STK26: variants seen among roughly 807,000 people sequenced by gnomAD.
The protein encoded by STK26 is serine/threonine-protein kinase 26.
STK26 carries 14 observed loss-of-function variants against 34.7 expected under a neutral mutation model. The observed-to-expected ratio is 0.40, with a 90% CI of 0.27 to 0.63. The LOEUF is 0.63. STK26 is among the 30% of genes least tolerant of loss of function. STK26 has a pLI of 0.38. For synonymous variants in STK26, 100 were observed against 109.8 expected (o/e 0.91, Z 0.56); for missense variants, 226 against 309.1 (o/e 0.73, Z 2.02).
At chrX:132,031,992 A>C (rs1351783126) in intron 2 of STK26, among the ~76,000 whole-genome samples, 1 of 111,212 alleles carries the variant, frequency 9.0e-6, no homozygotes, top group Non-Finnish European at 1.9e-5. Flanking sequence ...GCGAACATTC[A>C]GAGAAACCAG....
Position 132,071,071 on chromosome X carries a change from T to G in STK26, c.786T>G (p.Arg262=), listed in dbSNP as rs150917439. The change falls in exon 8 of 12, where the codon CGT becomes CGG. Residue 262 remains arginine (R), a splice_region_variant and synonymous_variant. Coordinates refer to ENST00000394334, the MANE Select transcript of STK26 (RefSeq NM_016542.4). ...AGCCTTGATCTTTTTATCCTTAGCG[T>G]CCTACAGCAAAAGAACTTCTGAAAC... The part of the protein sequence containing the change: ...DACLNKDPSF[R]PTAKELLKHK... 4.1e-6 allele frequency: 5 copies of G among 1,207,771 alleles called. No homozygotes were observed. The highest frequency in any genetic ancestry group is 5.6e-6 in the Non-Finnish European group (5 of 893,194).
rs1278407920 is a variant in STK26, at chrX:132,068,234, A to G, written c.350A>G (p.Asp117Gly). Reference sequence around the variant, plus strand: ...CTTAAGCTTCGAGCTGGTCCATTTGATGAGTTCCAGATTGCTACCATGCTA... The same window carrying G: ...CTTAAGCTTCGAGCTGGTCCATTTGGTGAGTTCCAGATTGCTACCATGCTA... ...ALDLLRAGPF[D>G]EFQIATMLKE... The change falls in exon 5 of 12, where the codon GAT becomes GGT. Residue 117 changes from aspartate to glycine, a missense_variant. Around this residue, in one of 2 missense-constraint regions of STK26, gnomAD observed 100 missense variants for 176.7 expected, o/e 0.57. Coordinates refer to ENST00000394334, the MANE Select transcript of STK26 (RefSeq NM_016542.4). The G allele has an allele frequency of 8.3e-7, 1 of 1,203,755 alleles. No individual in the cohort carries two copies. Among genetic ancestry groups the G allele is most frequent in the South Asian group, 1.8e-5 (1 of 55,769 alleles).
rs756862221 is a variant in STK26 at position 132,074,137 on chromosome X, G to A, written c.1229G>A (p.Cys410Tyr). 5.0e-6 allele frequency: 6 copies of A among 1,204,887 alleles called. No homozygotes were observed. In the Admixed American group the frequency reaches 1.3e-4, roughly 26 times the overall value. Residue 410 changes from cysteine to tyrosine, a missense_variant and splice_region_variant, in exon 12 of 12, where the codon TGT (cysteine) becomes TAT (tyrosine). Cys to Tyr is a radical substitution (Grantham distance 194). Around this residue, in one of 2 missense-constraint regions of STK26, gnomAD observed 126 missense variants for 132.4 expected, o/e 0.95. Coordinates refer to ENST00000394334, the MANE Select transcript of STK26 (RefSeq NM_016542.4). The part of the protein sequence containing the change: ...VKKLIEKFQK[C>Y]SADESP ...TAAATTTTTTAAAAATTTTATAGGT[G>A]TTCAGCAGACGAATCCCCCTAAGAA...
At position 132,028,241 on chromosome X, in the gene STK26, T is replaced by A. The variant is rs546969191; in HGVS notation, c.42+4582T>A. 1.2e-4 allele frequency among the ~76,000 whole-genome samples: 10 copies of A among 81,200 alleles called. No homozygotes were observed. In the Middle Eastern group the frequency reaches 0.024, roughly 197 times the overall value. The allele number at this position is 81,200 out of a possible 115,157, so 70.5% of individuals were successfully genotyped here. ...TCCATGGACAGGTTCCATGGACATA[T>A]GTTTAGTACTATGAAGAAAAAATTA... On this transcript the variant is annotated intron_variant, in intron 2 of 11. Transcript: ENST00000394334.
intron 2 of STK26, among the ~76,000 whole-genome samples, chrX:132,048,007 TTTAG>T (rs1489832982): frequency 2.7e-5 from 3 of 111,541 alleles, no homozygotes; most frequent in African/African-American, 9.8e-5. Flanking sequence ...GATACAAAAT[TTTAG>T]TTAGGAGGAA....
Position 132,068,331 on chromosome X carries a change from A to G in STK26, c.439+8A>G. 8.3e-7 allele frequency: 1 copy of G among 1,197,882 alleles called. No individual in the cohort carries two copies. The highest frequency in any genetic ancestry group is 3.0e-5 in the East Asian group (1 of 33,752). On this transcript the variant is annotated splice_region_variant and intron_variant, in intron 5 of 11. Coordinates refer to ENST00000394334, the MANE Select transcript of STK26 (RefSeq NM_016542.4). ...TTCACCGAGACATAAAAGGTATACA[A>G]AAGTCTAATATGAACCTGAGAAAAA...
intron 2 of STK26, among the ~76,000 whole-genome samples, chrX:132,026,883 G>A (rs1034345094): frequency 6.2e-5 from 7 of 112,257 alleles, no homozygotes; most frequent in Admixed American, 1.9e-4. Context: ...TAGAAATGAA[G>A]TTTAACGATT....
intron 3 of STK26, 91 bp downstream of exon 3, chrX:132,054,952 G>C: frequency 1.3e-6 from 1 of 798,307 alleles, no homozygotes; most frequent in African/African-American, 2.1e-5. Flanking sequence ...TCTTAAATTA[G>C]GATTTGGCAG....
chrX:132,036,853 G>A (rs1602747315), intron 2 of STK26, among the ~76,000 whole-genome samples: 1 of 111,843 alleles, frequency 8.9e-6, no homozygotes, highest in African/African-American at 3.3e-5. Flanking sequence ...AATCTGTCTT[G>A]TAAAAATAAG....
chrX:132,033,160 G>A (rs1311464830), intron 2 of STK26, among the ~76,000 whole-genome samples: 7 of 111,113 alleles, frequency 6.3e-5, no homozygotes, highest in Non-Finnish European at 3.8e-5. Context: ...AGCATAAGCT[G>A]TTATTAATGC....
At chrX:132,044,671 CTATATA>C (rs1247702257) in intron 2 of STK26, among the ~76,000 whole-genome samples, 1 of 38,443 alleles carries the variant, frequency 2.6e-5, no homozygotes, top group Non-Finnish European at 4.8e-5. Flanking sequence ...CTCTCGAGAT[CTATATA>C]TATATATATA....
At chrX:132,060,747 C>T (rs1927026084) in intron 3 of STK26, among the ~76,000 whole-genome samples, 2 of 109,399 alleles carry the variant, frequency 1.8e-5, no homozygotes, top group Admixed American at 2.0e-4. Context: ...TCCCGAGTAG[C>T]TGGGACTACA....
At chrX:132,049,064 G>A (rs749514213) in intron 2 of STK26, among the ~76,000 whole-genome samples, 10 of 111,476 alleles carry the variant, frequency 9.0e-5, no homozygotes, top group Non-Finnish European at 7.5e-5. Context: ...CTGTAGCCTC[G>A]CCCTTCTAGG....
chrX:132,036,928 AAGT>A (rs1926073828), intron 2 of STK26, among the ~76,000 whole-genome samples: 1 of 112,218 alleles, frequency 8.9e-6, no homozygotes, highest in Non-Finnish European at 1.9e-5. Flanking sequence ...TATTTTTTAA[AAGT>A]AGAAAAATGC....
In STK26 at chrX:132,038,644, T is replaced by A. The variant is rs190388563; in HGVS notation, c.42+14985T>A. 2.7e-5 allele frequency among the ~76,000 whole-genome samples: 3 copies of A among 111,423 alleles called. No homozygotes were observed. In the East Asian group the frequency reaches 8.4e-4, roughly 31 times the overall value. Reference sequence around the variant, plus strand: ...ATGCCAGAATATCTATCACTTGATTTTACTTGGCTAATTTGAACTGCTATT... The same window carrying A: ...ATGCCAGAATATCTATCACTTGATTATACTTGGCTAATTTGAACTGCTATT... On this transcript the variant is annotated intron_variant, in intron 2 of 11. Transcript: ENST00000394334.
At chrX:132,026,044 A>C (rs769663605) in intron 2 of STK26, among the ~76,000 whole-genome samples, 25 of 111,890 alleles carry the variant, frequency 2.2e-4, no homozygotes, top group Non-Finnish European at 3.8e-4. Context: ...ATAACTTTTT[A>C]ACAGTTTATT....
chrX:132,059,249 A>G (rs1926969086), intron 3 of STK26, among the ~76,000 whole-genome samples: 1 of 111,910 alleles, frequency 8.9e-6, no homozygotes, highest in African/African-American at 3.2e-5. Context: ...TTGTGAGTCA[A>G]GTTAATTGAG....
chrX:132,069,525 A>T lies in STK26; in HGVS notation c.645A>T (p.Gly215=). 1 of 1,160,690 alleles carries T rather than the reference A, an allele frequency of 8.6e-7. No individual in the cohort carries two copies. Among genetic ancestry groups the T allele is most frequent in the Non-Finnish European group, 1.1e-6 (1 of 870,944 alleles). ...TTACTGCTATTGAACTAGCCAAGGG[A>T]GAGCCACCTAACTCCGATATGCATC... ...LGITAIELAK[G]EPPNSDMHPM... is the part of the protein sequence containing the mutation. The change falls in exon 7 of 12, where the codon GGA becomes GGT. Residue 215 remains glycine, a synonymous_variant. Transcript: ENST00000394334.
intron 2 of STK26, among the ~76,000 whole-genome samples, chrX:132,032,832 C>G (rs1925891526): frequency 2.7e-5 from 3 of 111,266 alleles, no homozygotes; most frequent in Admixed American, 9.6e-5. Flanking sequence ...TCTAAGCATG[C>G]TAGTGAATTA....
Sources: allele counts gnomAD v4.1 joint callset (sites outside exome capture counted in the v4.1 genomes callset), GRCh38; gene constraint gnomAD v4.1.1; regional missense constraint gnomAD v4.1.1; transcripts MANE v1.5; gene names NCBI Gene and HGNC (gene_info 2026-07-23, HGNC 2026-07-21).